The following IL26 variants were observed in gnomAD, a reference collection of about 807,000 sequenced individuals.
The protein encoded by IL26 is interleukin-26.
In IL26, 23 loss-of-function variants were observed where a neutral mutation model predicts 21.7. The observed-to-expected ratio is 1.06, with a 90% CI of 0.76 to 1.50. The LOEUF (loss-of-function observed/expected upper bound fraction) is 1.50. Ranked by LOEUF, IL26 falls within the 40% of genes most tolerant of loss-of-function variation. The probability of loss-of-function intolerance (pLI) is 0.00; values close to 1 mark genes in which losing one functional copy is unlikely to be tolerated. For synonymous variants in IL26, 63 were observed against 67.8 expected (o/e 0.93, Z 0.34); for missense variants, 204 against 196.0 (o/e 1.04, Z -0.24).
At chr12:68,210,016 GTTTT>G (rs1298873341) in intron 3 of IL26, among the ~76,000 whole-genome samples, 1 of 151,992 alleles carries the variant, frequency 6.6e-6, no homozygotes, top group Non-Finnish European at 1.5e-5. Flanking sequence ...CCTTCTTGTT[GTTTT>G]TTGTTTTTTT....
chr12:68,202,796 A>G (rs1047476862), intron 3 of IL26, among the ~76,000 whole-genome samples: 2 of 152,178 alleles, frequency 1.3e-5, no homozygotes, highest in African/African-American at 4.8e-5. Context: ...AGAAATGGGA[A>G]GGCACAGGCT....
At chr12:68,215,052 TTATAAA>T (rs1299022653) in intron 3 of IL26, among the ~76,000 whole-genome samples, 5 of 152,350 alleles carry the variant, frequency 3.3e-5, no homozygotes, top group Admixed American at 6.5e-5. Context: ...AAAAAACCTC[TTATAAA>T]TATAACGAGT....
chr12:68,204,506 C>T (rs1404876212), intron 3 of IL26, among the ~76,000 whole-genome samples: 2 of 152,008 alleles, frequency 1.3e-5, no homozygotes, highest in East Asian at 1.9e-4. Context: ...TGGACACTAC[C>T]GAAGTTAAAT....
intron 3 of IL26, among the ~76,000 whole-genome samples, chr12:68,209,437 T>C (rs1045806037): frequency 2.0e-5 from 3 of 151,860 alleles, no homozygotes; most frequent in African/African-American, 7.3e-5. Context: ...TAATGGAGAG[T>C]AGGTTCTTTT....
At chr12:68,212,351 C>T (rs573489935) in intron 3 of IL26, among the ~76,000 whole-genome samples, 2 of 152,044 alleles carry the variant, frequency 1.3e-5, no homozygotes, top group South Asian at 2.1e-4. Context: ...CTCAGTATTG[C>T]TTTGGCTTTT....
chr12:68,202,217 G>T (rs1196633709), intron 3 of IL26, 134 bp from the exon 4 acceptor site: 1 of 500,932 alleles, frequency 2.0e-6, no homozygotes, highest in East Asian at 3.2e-5. Context: ...AATAAATAAT[G>T]CATGATCTTT....
intron 3 of IL26, among the ~76,000 whole-genome samples, chr12:68,208,054 C>T (rs1177658333): frequency 6.6e-6 from 1 of 152,120 alleles, no homozygotes; most frequent in Non-Finnish European, 1.5e-5. Context: ...ATATTTAATG[C>T]ACAAAAGTAC....
chr12:68,208,441 A>G (rs1017421488), intron 3 of IL26, among the ~76,000 whole-genome samples: 4 of 152,164 alleles, frequency 2.6e-5, no homozygotes, highest in East Asian at 1.9e-4. Context: ...TGCAGCACCA[A>G]TCACAACTTG....
At chr12:68,207,778 C>T (rs975225923) in intron 3 of IL26, among the ~76,000 whole-genome samples, 3 of 152,098 alleles carry the variant, frequency 2.0e-5, no homozygotes, top group Non-Finnish European at 1.5e-5. Context: ...CATATATGGT[C>T]TGTAAGTGTC....
chr12:68,203,552 A>T (rs1266274935), intron 3 of IL26, among the ~76,000 whole-genome samples: 1 of 152,226 alleles, frequency 6.6e-6, no homozygotes, highest in Non-Finnish European at 1.5e-5. Flanking sequence ...GTGAAACGGA[A>T]GTGGGTAAAT....
chr12:68,210,338 C>CAAAAAAAAAAA (rs540693081), intron 3 of IL26, among the ~76,000 whole-genome samples: 14 of 22,092 alleles, frequency 6.3e-4, no homozygotes, highest in Non-Finnish European at 9.1e-4. Context: ...ATCAGTTTGG[C>CAAAAAAAAAAA]AAAAAAAAAA....
intron 3 of IL26, among the ~76,000 whole-genome samples, chr12:68,213,828 C>T (rs1378635222): frequency 6.6e-6 from 1 of 151,898 alleles, no homozygotes; most frequent in African/African-American, 2.4e-5. Flanking sequence ...TTTTATTGCA[C>T]TTCCCTATTG....
Position 68,201,520 on chromosome 12 carries a change from C to G in IL26, c.*325G>C, listed in dbSNP as rs553577787. 1.4e-5 allele frequency: 3 copies of G among 207,822 alleles called. No homozygotes were observed. Among genetic ancestry groups the G allele is most frequent in the Non-Finnish European group, 2.9e-5 (3 of 104,204 alleles). The allele number at this position is 207,822 out of a possible 1,614,324, so 12.9% of individuals were successfully genotyped here. On this transcript the variant is annotated 3_prime_UTR_variant, in exon 5 of 5. Transcript: ENST00000229134. ...CAGAAATCTGTCATTCCCCCTCCAC[C>G]CCCCACATCCCACTCCACACACAAA...
At chr12:68,208,182 C>T (rs967079336) in intron 3 of IL26, among the ~76,000 whole-genome samples, 3 of 152,086 alleles carry the variant, frequency 2.0e-5, no homozygotes, top group African/African-American at 4.8e-5. Flanking sequence ...AACATGACTG[C>T]TCCAGGAGAC....
chr12:68,205,738 AT>A (rs1264948182), intron 3 of IL26, among the ~76,000 whole-genome samples: 1 of 152,182 alleles, frequency 6.6e-6, no homozygotes, highest in African/African-American at 2.4e-5. Context: ...CTCTAAAAAT[AT>A]TTCTATACAG....
intron 3 of IL26, among the ~76,000 whole-genome samples, chr12:68,220,628 CT>C (rs1180258377): frequency 1.3e-5 from 2 of 152,124 alleles, no homozygotes; most frequent in African/African-American, 4.8e-5. Context: ...AATGTAAAAT[CT>C]CTTCAAAAGA....
intron 3 of IL26, among the ~76,000 whole-genome samples, chr12:68,203,312 G>A (rs1363389024): frequency 6.6e-6 from 1 of 152,174 alleles, no homozygotes; most frequent in East Asian, 1.9e-4. Flanking sequence ...TAAAGGAAAA[G>A]AAAGGAAAGA....
At chr12:68,203,242 C>T (rs561937382) in intron 3 of IL26, among the ~76,000 whole-genome samples, 1 of 152,146 alleles carries the variant, frequency 6.6e-6, no homozygotes, top group African/African-American at 2.4e-5. Flanking sequence ...ATCACCTGGG[C>T]GTCAAACAGG....
intron 3 of IL26, among the ~76,000 whole-genome samples, chr12:68,223,884 G>GTTTTTTTTTTTTTT (rs376115904): frequency 1.5e-5 from 2 of 132,256 alleles, no homozygotes; most frequent in Admixed American, 7.9e-5. Flanking sequence ...AAATTTGGTG[G>GTTTTTTTTTTTTTT]TTTTTTTTTT....
Sources: allele counts gnomAD v4.1 joint callset (sites outside exome capture counted in the v4.1 genomes callset), GRCh38; gene constraint gnomAD v4.1.1; transcripts MANE v1.5; gene names NCBI Gene and HGNC (gene_info 2026-07-23, HGNC 2026-07-21).